MS4A6E: variants seen among roughly 807,000 people sequenced by gnomAD.
The protein encoded by MS4A6E is membrane-spanning 4-domains subfamily A member 6E.
In MS4A6E, 8 loss-of-function variants were observed where a neutral mutation model predicts 13.2. The ratio of observed to expected loss-of-function variants is 0.60; its 90% CI spans 0.35 to 1.09. The LOEUF (loss-of-function observed/expected upper bound fraction) is 1.09. Among genes scored for constraint, MS4A6E ranks in the 50% least tolerant of loss-of-function variants. The pLI, the probability that MS4A6E is intolerant of heterozygous loss-of-function variation, is 0.02. For synonymous variants in MS4A6E, 72 were observed against 67.6 expected, an observed-to-expected ratio of 1.06 and a Z score of -0.32; for missense variants, 177 against 171.1, an observed-to-expected ratio of 1.03 and a Z score of -0.19.
At chr11:60,342,519 C>T (rs928128444), downstream of MS4A6E, among the ~76,000 whole-genome samples, 17 of 152,002 alleles carry the variant, frequency 1.1e-4, no homozygotes, top group Non-Finnish European at 2.2e-4. Context: ...CTGAGGAGGT[C>T]GTGTCTGATT....
downstream of MS4A6E, among the ~76,000 whole-genome samples, chr11:60,344,471 T>C (rs182722232): frequency 6.6e-6 from 1 of 152,272 alleles, no homozygotes; most frequent in African/African-American, 2.4e-5. Flanking sequence ...TGTTTGGCTG[T>C]TTTTGGTAAG....
At chr11:60,338,009 A>C (rs2085200431) in intron 3 of MS4A6E, 62 bp downstream of exon 3, 4 of 1,512,208 alleles carry the variant, frequency 2.6e-6, no homozygotes, top group African/African-American at 1.4e-5. Context: ...TTGATTTCTT[A>C]TTATTCCATC....
chr11:60,332,684 C>A (rs1200877094), intron 1 of MS4A6E, among the ~76,000 whole-genome samples: 1 of 152,204 alleles, frequency 6.6e-6, no homozygotes, highest in Admixed American at 6.5e-5. Context: ...GAACCATCAA[C>A]CTTGTCAAAA....
intron 1 of MS4A6E, among the ~76,000 whole-genome samples, chr11:60,333,109 C>T (rs1355968099): frequency 2.0e-5 from 3 of 152,220 alleles, no homozygotes; most frequent in African/African-American, 7.2e-5. Flanking sequence ...GAACATTAGC[C>T]CTTCCTTCTC....
At chr11:60,339,121 A>G (rs1413679626) in intron 3 of MS4A6E, among the ~76,000 whole-genome samples, 2 of 152,204 alleles carry the variant, frequency 1.3e-5, no homozygotes, top group Non-Finnish European at 2.9e-5. Context: ...AGTTCATGTG[A>G]TCAAATTACC....
intron 2 of MS4A6E, among the ~76,000 whole-genome samples, chr11:60,337,411 G>A (rs905381542): frequency 6.6e-6 from 1 of 152,122 alleles, no homozygotes; most frequent in South Asian, 2.1e-4. Context: ...ACCTTTGCTT[G>A]TGGTCACACT....
chr11:60,347,231 A>C (rs1206584766), intron 4 of MS4A6E, among the ~76,000 whole-genome samples: 3 of 152,120 alleles, frequency 2.0e-5, no homozygotes, highest in Non-Finnish European at 4.4e-5. Context: ...TTGGGGAATC[A>C]TTTCCTATGG....
At chr11:60,346,604 G>A (rs1209615312) in intron 4 of MS4A6E, among the ~76,000 whole-genome samples, 1 of 152,164 alleles carries the variant, frequency 6.6e-6, no homozygotes, top group Non-Finnish European at 1.5e-5. Context: ...GGACAGTTTA[G>A]AATAATTAAA....
chr11:60,335,658 C>A (rs1307700540), intron 2 of MS4A6E: 1 of 437,802 alleles, frequency 2.3e-6, no homozygotes, highest in African/African-American at 2.0e-5. Context: ...AGGTGAGGCA[C>A]TCTGTTTGAC....
chr11:60,336,083 A>G lies in MS4A6E; in HGVS notation c.147+1041A>G, dbSNP rs183945140. ...GAAGTCAGAGAGAGTGCCCAGAAAA[A>G]TGCCAGTTCTTTCTTTCCCTCGTTG... On this transcript the variant is annotated intron_variant, in intron 2 of 4. Coordinates refer to ENST00000684409, the MANE Select transcript of MS4A6E (RefSeq NM_139249.4). Among the ~76,000 whole-genome samples the G allele has an allele frequency of 1.2e-3, 189 of 152,290 alleles. 2 individuals are homozygous for G. The highest frequency in any genetic ancestry group is 8.3e-4 in the South Asian group (4 of 4,816).
chr11:60,335,309 TC>T (rs1454295774), intron 2 of MS4A6E, among the ~76,000 whole-genome samples: 1 of 152,214 alleles, frequency 6.6e-6, no homozygotes, highest in Non-Finnish European at 1.5e-5. Context: ...CTCTATATTT[TC>T]TTTTACGAAA....
rs1188676571 is a variant in MS4A6E, at chr11:60,339,794, G to A, written c.355-72G>A. ...GGTTGAGGTGGTCTTCATCTCTATG[G>A]TCACCTCTAAACTAGGCATGAAAGC... On this transcript the variant is annotated intron_variant, in intron 3 of 4. Transcript: ENST00000684409. 5 of 1,321,934 alleles carry A rather than the reference G, an allele frequency of 3.8e-6. No individual in the cohort carries two copies. In the South Asian group the frequency reaches 4.7e-5, roughly 12 times the overall value. 81.9% of individuals were successfully genotyped at this position (1,321,934 alleles called of 1,614,324 possible). A position where few individuals can be genotyped will look rare whatever the true frequency, so the allele number is the denominator to read the frequency against.
intron 1 of MS4A6E, among the ~76,000 whole-genome samples, chr11:60,334,183 C>T (rs2085174254): frequency 6.6e-6 from 1 of 152,182 alleles, no homozygotes; most frequent in Non-Finnish European, 1.5e-5. Context: ...GGCAAGCACC[C>T]TGTTTCAGCA....
At chr11:60,339,245 GT>G (rs1217779506) in intron 3 of MS4A6E, among the ~76,000 whole-genome samples, 1 of 152,042 alleles carries the variant, frequency 6.6e-6, no homozygotes, top group Non-Finnish European at 1.5e-5. Flanking sequence ...TACCTTCACT[GT>G]TTTTTTCCAA....
chr11:60,333,299 T>C (rs1010340262), intron 1 of MS4A6E, among the ~76,000 whole-genome samples: 1 of 152,172 alleles, frequency 6.6e-6, no homozygotes, highest in Admixed American at 6.5e-5. Context: ...CTTAAGATAA[T>C]ATATGCAAAG....
chr11:60,332,961 A>G (rs1424002586), intron 1 of MS4A6E, among the ~76,000 whole-genome samples: 2 of 152,210 alleles, frequency 1.3e-5, no homozygotes, highest in Non-Finnish European at 2.9e-5. Flanking sequence ...CACACGCTTC[A>G]TTTTGCTTAA....
intron 1 of MS4A6E, among the ~76,000 whole-genome samples, chr11:60,333,802 G>C (rs1231765222): frequency 1.8e-4 from 28 of 152,254 alleles, no homozygotes; most frequent in Non-Finnish European, 8.8e-5. Flanking sequence ...ACAGAGAGTT[G>C]TATATATTGT....
chr11:60,342,313 T>C (rs2085233107), downstream of MS4A6E, among the ~76,000 whole-genome samples: 1 of 152,114 alleles, frequency 6.6e-6, no homozygotes, highest in South Asian at 2.1e-4. Flanking sequence ...CATTGAAGCA[T>C]TGTCATTTGT....
Position 60,341,074 on chromosome 11 carries a change from A to G in MS4A6E, c.*308A>G, listed in dbSNP as rs2085222327. 1 of 152,270 alleles carries G rather than the reference A, an allele frequency of 6.6e-6. No individual in the cohort carries two copies. The highest frequency in any genetic ancestry group is 6.5e-5 in the Admixed American group (1 of 15,288). The allele number at this position is 152,270 out of a possible 1,614,324, so 9.4% of individuals were successfully genotyped here. A position where few individuals can be genotyped will look rare whatever the true frequency, so the allele number is the denominator to read the frequency against. Reference sequence around the variant, plus strand: ...TAAATTACCATTTACTAGACTAGCCAAATAGTCTTAGACATTTCCCAGAAA... The same window carrying G: ...TAAATTACCATTTACTAGACTAGCCGAATAGTCTTAGACATTTCCCAGAAA... On this transcript the variant is annotated 3_prime_UTR_variant, in exon 5 of 5. Transcript: ENST00000684409.
Sources: allele counts gnomAD v4.1 joint callset (sites outside exome capture counted in the v4.1 genomes callset), GRCh38; gene constraint gnomAD v4.1.1; transcripts MANE v1.5; gene names NCBI Gene and HGNC (gene_info 2026-07-23, HGNC 2026-07-21).